Variants in NBAS observed in about 807,000 individuals in gnomAD.
The protein encoded by NBAS is NBAS subunit of NRZ tethering complex.
NBAS carries 219 observed loss-of-function variants against 302.5 expected under a neutral mutation model. That is an observed-to-expected ratio of 0.72 (90% CI 0.65 to 0.81). The LOEUF is 0.81. Ranked by LOEUF, NBAS falls within the 30% of genes least tolerant of loss-of-function variation. The probability of loss-of-function intolerance (pLI) is 0.00; values close to 1 mark genes in which losing one functional copy is unlikely to be tolerated. For synonymous variants in NBAS, 1,118 were observed against 1,021.6 expected (o/e 1.09, Z -1.80); for missense variants, 2,932 against 2,841.6 (o/e 1.03, Z -0.72).
chr2:15,120,015 G>A, the NBAS span, among the ~76,000 whole-genome samples: 2 of 152,290 alleles, frequency 1.3e-5, no homozygotes, highest in South Asian at 4.1e-4. Context: ...ACCCCGGCAG[G>A]TGGACGGGCA....
intron 11 of NBAS, among the ~76,000 whole-genome samples, chr2:15,501,628 C>T (rs1306319601): frequency 3.2e-5 from 4 of 125,796 alleles, no homozygotes; most frequent in African/African-American, 8.9e-5. Flanking sequence ...CTCGCTCTGT[C>T]GCCCAGGCTG....
At chr2:15,439,121 C>T (rs1678194584) in intron 21 of NBAS, among the ~76,000 whole-genome samples, 1 of 151,912 alleles carries the variant, frequency 6.6e-6, no homozygotes, top group Admixed American at 6.6e-5. Context: ...CGGTGAAACC[C>T]CGTCTCTACT....
At position 15,263,848 on chromosome 2, in the gene NBAS, C is replaced by T. The variant is rs188085637; in HGVS notation, c.5724+11636G>A. On this transcript the variant is annotated intron_variant, in intron 44 of 51. Coordinates refer to ENST00000281513, the MANE Select transcript of NBAS (RefSeq NM_015909.4). ...ACCATCCCCATTTATGAAGAGATCTCCCTGGCTGTCAAGTCGACATCCTGC... is the reference window on the plus strand; with the variant it reads ...ACCATCCCCATTTATGAAGAGATCTTCCTGGCTGTCAAGTCGACATCCTGC... 1.1e-4 allele frequency among the ~76,000 whole-genome samples: 16 copies of T among 152,320 alleles called. No individual in the cohort carries two copies. In the East Asian group the frequency reaches 3.1e-3, roughly 29 times the overall value.
chr2:15,122,755 T>A, the NBAS span, among the ~76,000 whole-genome samples: 1 of 152,070 alleles, frequency 6.6e-6, no homozygotes, highest in Non-Finnish European at 1.5e-5. Flanking sequence ...ACTAAACAAA[T>A]CTTGAAACTC....
In NBAS at chr2:15,330,775, A is replaced by G. The variant is rs1672300956; in HGVS notation, c.4180-10T>C. ...GAACACCTACTTCATCCTGTATTAA[A>G]GAAACAAAATAGCAAGGGCAAAAAT... On this transcript the variant is annotated splice_polypyrimidine_tract_variant and intron_variant, in intron 35 of 51. Coordinates refer to ENST00000281513, the MANE Select transcript of NBAS (RefSeq NM_015909.4). 4.3e-6 allele frequency: 7 copies of G among 1,613,336 alleles called. No homozygotes were observed. Among genetic ancestry groups the G allele is most frequent in the Non-Finnish European group, 5.9e-6 (7 of 1,179,692 alleles).
intron 44 of NBAS, 78 bp from the exon 45 acceptor site, chr2:15,238,764 A>G (rs1667725625): frequency 7.7e-7 from 1 of 1,291,226 alleles, no homozygotes; most frequent in South Asian, 1.4e-5. Context: ...AATGAGTTAG[A>G]ACAAAAGTGA....
At chr2:15,277,984 A>C (rs1669663060) in intron 42 of NBAS, among the ~76,000 whole-genome samples, 1 of 152,084 alleles carries the variant, frequency 6.6e-6, no homozygotes, top group Non-Finnish European at 1.5e-5. Context: ...AGAAGTACCC[A>C]GGTTCTAGGG....
At position 15,239,388 on chromosome 2, in the gene NBAS, C is replaced by CGG. The variant is rs1553349649; in HGVS notation, c.5725-703_5725-702insCC. Among the ~76,000 whole-genome samples the CGG allele has an allele frequency of 3.2e-3, 268 of 83,038 alleles. 2 individuals carry two copies. Among genetic ancestry groups the CGG allele is most frequent in the African/African-American group, 9.8e-3 (249 of 25,282 alleles). The allele number at this position is 83,038 out of a possible 152,430, so 54.5% of individuals were successfully genotyped here. A position where few individuals can be genotyped will look rare whatever the true frequency, so the allele number is the denominator to read the frequency against. On this transcript the variant is annotated intron_variant, in intron 44 of 51. Coordinates refer to ENST00000281513, the MANE Select transcript of NBAS (RefSeq NM_015909.4). ...TATTTTATGTGTGTGTGTATGTGTG[C>CGG]GTGTGTGTGTGTGTATATATATATA...
the NBAS span, among the ~76,000 whole-genome samples, chr2:14,799,875 C>T: frequency 6.6e-6 from 1 of 152,096 alleles, no homozygotes; most frequent in African/African-American, 2.4e-5. Flanking sequence ...ATAGTCACTC[C>T]ACTCGTCGTT....
the NBAS span, among the ~76,000 whole-genome samples, chr2:14,825,052 A>C: frequency 6.6e-6 from 1 of 152,204 alleles, no homozygotes; most frequent in Non-Finnish European, 1.5e-5. Context: ...GAAAGAAAGA[A>C]AATTGTTAAA....
chr2:15,026,136 A>C, the NBAS span, among the ~76,000 whole-genome samples: 2 of 151,206 alleles, frequency 1.3e-5, no homozygotes, highest in African/African-American at 2.4e-5. Flanking sequence ...GAGAGTTTTT[A>C]ACATGAAGGG....
the NBAS span, among the ~76,000 whole-genome samples, chr2:15,049,974 G>A: frequency 6.6e-6 from 1 of 152,188 alleles, no homozygotes. Context: ...CCATGCAGCT[G>A]GGGACTTGGG....
chr2:14,806,499 G>A, the NBAS span, among the ~76,000 whole-genome samples: 2 of 152,092 alleles, frequency 1.3e-5, no homozygotes, highest in East Asian at 1.9e-4. Flanking sequence ...TTAAAAGAGC[G>A]ATTCCATGCA....
the NBAS span, among the ~76,000 whole-genome samples, chr2:14,923,315 C>G: frequency 1.3e-3 from 195 of 152,218 alleles, no homozygotes; most frequent in African/African-American, 4.6e-3. Context: ...GGCTCATAGT[C>G]TCTGGGGAAC....
intron 49 of NBAS, among the ~76,000 whole-genome samples, chr2:15,188,132 GATATGTTTTTCA>G (rs1477384911): frequency 6.6e-6 from 1 of 152,184 alleles, no homozygotes; most frequent in African/African-American, 2.4e-5. Context: ...AAATTATCAA[GATATGTTTTTCA>G]CCAGCCAGCA....
chr2:15,426,743 C>T (rs1277570708), intron 22 of NBAS, among the ~76,000 whole-genome samples: 4 of 152,026 alleles, frequency 2.6e-5, no homozygotes, highest in African/African-American at 9.7e-5. Flanking sequence ...TTCCGTTTTC[C>T]GTATGTTTTG....
At chr2:15,354,515 G>C (rs949088854) in intron 33 of NBAS, among the ~76,000 whole-genome samples, 4 of 152,094 alleles carry the variant, frequency 2.6e-5, no homozygotes, top group Non-Finnish European at 4.4e-5. Context: ...GAACAATTTA[G>C]ATCAGTACAT....
chr2:14,845,275 G>T, the NBAS span, among the ~76,000 whole-genome samples: 1 of 152,186 alleles, frequency 6.6e-6, no homozygotes, highest in Non-Finnish European at 1.5e-5. Flanking sequence ...GTAATCAAAA[G>T]AATTCTTCTG....
At chr2:14,815,447 C>T in the NBAS span, among the ~76,000 whole-genome samples, 1 of 152,166 alleles carries the variant, frequency 6.6e-6, no homozygotes, top group East Asian at 1.9e-4. Flanking sequence ...ACTTTGTTGT[C>T]AGCCAAAGAG....
Sources: gnomAD v4.1 joint callset for allele counts (sites outside exome capture counted in the v4.1 genomes callset) on GRCh38, gnomAD v4.1.1 for gene constraint, MANE v1.5 for transcripts, NCBI Gene and HGNC (gene_info 2026-07-23, HGNC 2026-07-21) for gene names.